IL1RAPL1: variants seen among roughly 807,000 people sequenced by gnomAD.
IL1RAPL1 encodes the protein interleukin 1 receptor accessory protein like 1, also known as interleukin-1 receptor accessory protein-like 1.
Under a neutral mutation model 48.4 loss-of-function variants are expected in IL1RAPL1, and 3 were observed. The observed-to-expected ratio is 0.06, with a 90% CI of 0.03 to 0.16. The LOEUF is 0.16. IL1RAPL1 is among the 10% of genes least tolerant of loss of function. The pLI is 1.00. For missense variants in IL1RAPL1, 349 were observed against 530.6 expected (o/e 0.66, Z 3.36); for synonymous variants, 185 against 187.7 (o/e 0.99, Z 0.12).
At chrX:28,765,233 C>T (rs1936222687) in intron 1 of IL1RAPL1, among the ~76,000 whole-genome samples, 1 of 110,131 alleles carries the variant, frequency 9.1e-6, no homozygotes, top group Admixed American at 9.7e-5. Flanking sequence ...AGCACACCAA[C>T]ATGGCACATG....
intron 1 of IL1RAPL1, among the ~76,000 whole-genome samples, chrX:28,690,237 C>T (rs1229785031): frequency 9.0e-6 from 1 of 111,710 alleles, no homozygotes; most frequent in African/African-American, 3.3e-5. Context: ...TTCCAACTTC[C>T]ACGAATGGCT....
intron 6 of IL1RAPL1, among the ~76,000 whole-genome samples, chrX:29,877,473 T>C (rs955952212): frequency 2.7e-5 from 3 of 111,992 alleles, no homozygotes; most frequent in Admixed American, 1.9e-4. Context: ...AAATACAATA[T>C]ACAAATAACT....
At chrX:29,535,029 G>A (rs1426246205) in intron 5 of IL1RAPL1, among the ~76,000 whole-genome samples, 1 of 103,414 alleles carries the variant, frequency 9.7e-6, no homozygotes, top group African/African-American at 3.6e-5. Context: ...TGCTACATGG[G>A]AAGCTGAAGT....
At chrX:29,452,179 C>T (rs975145732) in intron 5 of IL1RAPL1, among the ~76,000 whole-genome samples, 1 of 111,998 alleles carries the variant, frequency 8.9e-6, no homozygotes, top group African/African-American at 3.2e-5. Flanking sequence ...ATTATATTTA[C>T]TTTTCTAAAT....
At chrX:28,789,132 A>G (rs1936506231) in intron 1 of IL1RAPL1, among the ~76,000 whole-genome samples, 188 bp from the exon 2 acceptor site, 1 of 111,983 alleles carries the variant, frequency 8.9e-6, no homozygotes, top group African/African-American at 3.2e-5. Flanking sequence ...TAATTTTGGT[A>G]TTACCAGTTT....
chrX:28,678,881 A>G (rs1038727972), intron 1 of IL1RAPL1, among the ~76,000 whole-genome samples: 4 of 112,496 alleles, frequency 3.6e-5, no homozygotes, highest in Non-Finnish European at 7.5e-5. Flanking sequence ...ATTGTGAATA[A>G]TGCTGCAATG....
At chrX:29,146,584 A>T (rs1929356314) in intron 2 of IL1RAPL1, among the ~76,000 whole-genome samples, 2 of 112,142 alleles carry the variant, frequency 1.8e-5, no homozygotes, top group Non-Finnish European at 3.8e-5. Flanking sequence ...TTTGGTGACT[A>T]ATTTTAATAG....
intron 1 of IL1RAPL1, among the ~76,000 whole-genome samples, chrX:28,628,967 A>T (rs1934371177): frequency 1.8e-5 from 2 of 111,963 alleles, no homozygotes; most frequent in South Asian, 3.7e-4. Context: ...GGGCTTTGCT[A>T]GCCGATTCCA....
In IL1RAPL1 at chrX:28,646,351, T is replaced by C. The variant is rs747821252; in HGVS notation, c.-25+58304T>C. ...GGCTGGCCAGCCACTCATCTCCTGC[T>C]ATGCAGCCCAGTTCTGACCCAGGCT... On this transcript the variant is annotated intron_variant, in intron 1 of 10. Coordinates refer to ENST00000378993, the MANE Select transcript of IL1RAPL1 (RefSeq NM_014271.4). Among the ~76,000 whole-genome samples, 387 of 112,210 alleles carry C rather than the reference T, an allele frequency of 3.4e-3. 1 individual carries two copies. The highest frequency in any genetic ancestry group is 0.012 in the African/African-American group (371 of 30,856).
In IL1RAPL1 at chrX:29,187,374, GAC is replaced by G. The variant is rs756902997; in HGVS notation, c.83-95560_83-95559del. Among the ~76,000 whole-genome samples, 259 of 111,411 alleles carry G rather than the reference GAC, an allele frequency of 2.3e-3. 1 individual carries two copies. The highest frequency in any genetic ancestry group is 8.1e-3 in the African/African-American group (249 of 30,675). ...CAGGTTCATGAATACTGGCACAAAA[GAC>G]ACAGAGTATTGGGACAGAGGCAAAT... On this transcript the variant is annotated intron_variant, in intron 2 of 10. Transcript: ENST00000378993.
intron 6 of IL1RAPL1, among the ~76,000 whole-genome samples, chrX:29,749,114 G>A (rs1193947127): frequency 2.7e-5 from 3 of 111,889 alleles, no homozygotes; most frequent in Non-Finnish European, 3.8e-5. Context: ...AAGCAGCATG[G>A]GAATGAAATT....
chrX:28,769,916 G>A (rs924687834), intron 1 of IL1RAPL1, among the ~76,000 whole-genome samples: 1 of 111,746 alleles, frequency 8.9e-6, no homozygotes, highest in African/African-American at 3.3e-5. Context: ...AAAAAGATAC[G>A]AATACTAAAG....
At position 28,780,357 on chromosome X, in the gene IL1RAPL1, G is replaced by GTC. The variant is rs1315965943; in HGVS notation, c.-24-8962_-24-8961insCT. Among the ~76,000 whole-genome samples, 323 of 93,970 alleles carry GTC rather than the reference G, an allele frequency of 3.4e-3. 3 individuals carry two copies. The highest frequency in any genetic ancestry group is 0.013 in the African/African-American group (312 of 23,290). The allele number at this position is 93,970 out of a possible 115,157, so 81.6% of individuals were successfully genotyped here. A position where few individuals can be genotyped will look rare whatever the true frequency, so the allele number is the denominator to read the frequency against. ...TATGTGTGTGTGTGTGTGTGTGTGT[G>GTC]TGTGTGTGTCTGTCTGTCTGTCCAG... On this transcript the variant is annotated intron_variant, in intron 1 of 10. Coordinates refer to ENST00000378993, the MANE Select transcript of IL1RAPL1 (RefSeq NM_014271.4).
intron 2 of IL1RAPL1, among the ~76,000 whole-genome samples, chrX:28,964,654 A>G (rs1281251299): frequency 9.0e-6 from 1 of 111,559 alleles, no homozygotes; most frequent in Non-Finnish European, 1.9e-5. Flanking sequence ...TGCAGCATAA[A>G]TTTGCTTCTT....
chrX:28,726,211 A>G (rs908794821), intron 1 of IL1RAPL1, among the ~76,000 whole-genome samples: 2 of 112,042 alleles, frequency 1.8e-5, no homozygotes, highest in Non-Finnish European at 3.8e-5. Flanking sequence ...TATTTTTCTC[A>G]TGTGTAAAAT....
chrX:28,911,003 C>A (rs888974369), intron 2 of IL1RAPL1, among the ~76,000 whole-genome samples: 1 of 110,744 alleles, frequency 9.0e-6, no homozygotes, highest in Non-Finnish European at 1.9e-5. Flanking sequence ...AAAAGCAGTA[C>A]AGAATACTAA....
intron 5 of IL1RAPL1, among the ~76,000 whole-genome samples, chrX:29,614,668 A>G (rs768323808): frequency 2.1e-4 from 24 of 112,315 alleles, no homozygotes; most frequent in African/African-American, 7.8e-4. Context: ...GGAAAGAAAC[A>G]GGAAAATGCA....
At chrX:28,877,329 G>A (rs768016267) in intron 2 of IL1RAPL1, among the ~76,000 whole-genome samples, 5 of 112,556 alleles carry the variant, frequency 4.4e-5, no homozygotes, top group Non-Finnish European at 9.4e-5. Context: ...CTATTTAGCA[G>A]TACAGAATCC....
At chrX:28,805,820 T>C (rs1459755338) in intron 2 of IL1RAPL1, among the ~76,000 whole-genome samples, 1 of 110,934 alleles carries the variant, frequency 9.0e-6, no homozygotes, top group Non-Finnish European at 1.9e-5. Flanking sequence ...TCGTTGAGTA[T>C]AAAAACATCT....
Sources: allele counts gnomAD v4.1 joint callset (sites outside exome capture counted in the v4.1 genomes callset), GRCh38; gene constraint gnomAD v4.1.1; transcripts MANE v1.5; gene names NCBI Gene and HGNC (gene_info 2026-07-23, HGNC 2026-07-21).